The following FHIT variants were observed in gnomAD, a reference collection of about 807,000 sequenced individuals.
FHIT encodes the protein fragile histidine triad diadenosine triphosphatase.
A neutral mutation model predicts 17.9 loss-of-function variants in FHIT; 19 were observed. The observed-to-expected ratio is 1.06, with a 90% CI of 0.74 to 1.56. FHIT has a LOEUF of 1.56. FHIT is among the 40% of genes most tolerant of loss of function. FHIT has a pLI of 0.00. For missense variants in FHIT, 248 were observed against 189.2 expected, an observed-to-expected ratio of 1.31 and a Z score of -1.82; for synonymous variants, 81 against 69.7, an observed-to-expected ratio of 1.16 and a Z score of -0.81.
intron 4 of FHIT, chr3:60,690,600 G>A: frequency 1.9e-6 from 1 of 533,834 alleles, no homozygotes; most frequent in South Asian, 1.4e-5. Flanking sequence ...TTTCTCCAGT[G>A]CTCAGAGCAT....
At chr3:60,024,624 G>A (rs1700670150) in intron 5 of FHIT, among the ~76,000 whole-genome samples, 1 of 152,204 alleles carries the variant, frequency 6.6e-6, no homozygotes, top group South Asian at 2.1e-4. Flanking sequence ...TCTAGAGGGT[G>A]AGCAGACAAA....
chr3:60,232,039 G>A (rs1385479507), intron 5 of FHIT, among the ~76,000 whole-genome samples: 1 of 152,100 alleles, frequency 6.6e-6, no homozygotes, highest in Non-Finnish European at 1.5e-5. Flanking sequence ...AATAACAGAT[G>A]TCACACCAAC....
chr3:59,923,816 AG>A (rs1351284351), intron 7 of FHIT, among the ~76,000 whole-genome samples: 2 of 152,114 alleles, frequency 1.3e-5, no homozygotes, highest in Admixed American at 1.3e-4. Flanking sequence ...CTGTACAAGG[AG>A]GGGGAAAGTG....
intron 2 of FHIT, among the ~76,000 whole-genome samples, chr3:61,087,677 A>C (rs920547496): frequency 6.6e-6 from 1 of 152,160 alleles, no homozygotes; most frequent in Non-Finnish European, 1.5e-5. Context: ...TAAGTAATTC[A>C]ATCAAACACA....
At chr3:60,469,852 C>T (rs1027838372) in intron 5 of FHIT, among the ~76,000 whole-genome samples, 7 of 152,090 alleles carry the variant, frequency 4.6e-5, no homozygotes, top group South Asian at 2.1e-4. Context: ...TCACTTTACC[C>T]GTTTCTACTT....
intron 4 of FHIT, among the ~76,000 whole-genome samples, chr3:60,663,126 A>G (rs1269667598): frequency 7.1e-6 from 1 of 140,710 alleles, no homozygotes; most frequent in Non-Finnish European, 1.6e-5. Context: ...TGATTACTAT[A>G]GCTATATAGC....
At chr3:60,462,626 C>A (rs2032545232) in intron 5 of FHIT, among the ~76,000 whole-genome samples, 1 of 152,080 alleles carries the variant, frequency 6.6e-6, no homozygotes, top group Non-Finnish European at 1.5e-5. Context: ...AGAGATCCGC[C>A]AGGATAAAGG....
At chr3:60,785,934 C>CACACACACAG (rs139392863) in intron 4 of FHIT, among the ~76,000 whole-genome samples, 2,020 of 137,772 alleles carry the variant, frequency 0.015, 16 homozygotes, top group East Asian at 0.024. Flanking sequence ...CACACACACA[C>CACACACACAG]AGAGAGAGTA....
At chr3:60,744,558 C>T (rs13315187) in intron 4 of FHIT, among the ~76,000 whole-genome samples, 1 of 152,146 alleles carries the variant, frequency 6.6e-6, no homozygotes, top group Admixed American at 6.6e-5. Context: ...AACAGTAGAA[C>T]AACCTTCCTG....
At chr3:59,965,247 T>G (rs979649795) in intron 7 of FHIT, among the ~76,000 whole-genome samples, 4 of 152,212 alleles carry the variant, frequency 2.6e-5, no homozygotes, top group Admixed American at 2.0e-4. Context: ...AAGTATGATA[T>G]ATGGATGGAG....
At position 60,479,567 on chromosome 3, in the gene FHIT, T is replaced by C. The variant is rs568925586; in HGVS notation, c.103+57293A>G. On this transcript the variant is annotated intron_variant, in intron 5 of 9. Transcript: ENST00000492590. ...AAATGAACCTGTGCTGCCAGTCATATAAAAGTATTGCATATTAGGTACAGC... is the reference window on the plus strand; with the variant it reads ...AAATGAACCTGTGCTGCCAGTCATACAAAAGTATTGCATATTAGGTACAGC... Among the ~76,000 whole-genome samples, 5 of 152,304 alleles carry C rather than the reference T, an allele frequency of 3.3e-5. No homozygotes were observed. The East Asian group carries it at 7.7e-4, about 24-fold the overall frequency.
At chr3:59,856,746 T>C (rs921471637) in intron 8 of FHIT, among the ~76,000 whole-genome samples, 12 of 152,142 alleles carry the variant, frequency 7.9e-5, no homozygotes, top group Middle Eastern at 3.4e-3. Context: ...TTATAATATC[T>C]ATCTAATTCT....
At chr3:59,859,554 C>A (rs1472213676) in intron 8 of FHIT, among the ~76,000 whole-genome samples, 1 of 152,108 alleles carries the variant, frequency 6.6e-6, no homozygotes, top group Admixed American at 6.5e-5. Flanking sequence ...TCCGTCTCTA[C>A]TAAAAATACA....
rs537164069 is a variant in FHIT at position 60,282,408 on chromosome 3, C to T, written c.103+254452G>A. ...TATGGAAAAGGGAAAACTATAGAGG[C>T]AATAAAGGGATTACTAGTTACCAGG... On this transcript the variant is annotated intron_variant, in intron 5 of 9. Transcript: ENST00000492590. Among the ~76,000 whole-genome samples the T allele has an allele frequency of 2.0e-5, 3 of 152,060 alleles. No homozygotes were observed. The South Asian group carries it at 6.2e-4, about 32-fold the overall frequency.
At chr3:60,111,036 T>G (rs1704645707) in intron 5 of FHIT, among the ~76,000 whole-genome samples, 1 of 152,100 alleles carries the variant, frequency 6.6e-6, no homozygotes, top group African/African-American at 2.4e-5. Context: ...ACATCCATAT[T>G]GTCAGAGGTG....
At chr3:60,286,932 T>C (rs1048440178) in intron 5 of FHIT, among the ~76,000 whole-genome samples, 4 of 152,190 alleles carry the variant, frequency 2.6e-5, no homozygotes, top group African/African-American at 9.6e-5. Flanking sequence ...CAGATATTTT[T>C]ATATCTACAG....
intron 2 of FHIT, among the ~76,000 whole-genome samples, chr3:61,048,916 A>C (rs1192021123): frequency 2.0e-5 from 3 of 152,018 alleles, no homozygotes; most frequent in African/African-American, 7.2e-5. Context: ...ATAGGTAGGA[A>C]TTGAACAATG....
chr3:60,406,007 C>T (rs1307715422), intron 5 of FHIT, among the ~76,000 whole-genome samples: 1 of 152,088 alleles, frequency 6.6e-6, no homozygotes, highest in Non-Finnish European at 1.5e-5. Flanking sequence ...AGAGTATAGC[C>T]TGGCACATAA....
intron 5 of FHIT, among the ~76,000 whole-genome samples, chr3:60,169,442 C>T (rs1247820627): frequency 2.6e-5 from 4 of 152,108 alleles, no homozygotes; most frequent in African/African-American, 9.7e-5. Flanking sequence ...TGTTTCATTG[C>T]ATAGGGAGGC....
Sources: gnomAD v4.1 joint callset for allele counts (sites outside exome capture counted in the v4.1 genomes callset) on GRCh38, gnomAD v4.1.1 for gene constraint, MANE v1.5 for transcripts, NCBI Gene and HGNC (gene_info 2026-07-23, HGNC 2026-07-21) for gene names.